The following VEPH1 variants were observed in gnomAD, a reference collection of about 807,000 sequenced individuals.
VEPH1 encodes the protein ventricular zone expressed PH domain containing 1.
A neutral mutation model predicts 85.2 loss-of-function variants in VEPH1; 80 were observed. That is an observed-to-expected ratio of 0.94 (90% confidence interval 0.78 to 1.13). VEPH1 has a LOEUF of 1.13. Among genes scored for constraint, VEPH1 ranks in the 50% most tolerant of loss-of-function variants. The probability of loss-of-function intolerance (pLI) is 0.00; values close to 1 mark genes in which losing one functional copy is unlikely to be tolerated. For synonymous variants in VEPH1, 297 were observed against 348.0 expected, an observed-to-expected ratio of 0.85 and a Z score of 1.63; for missense variants, 955 against 980.5, an observed-to-expected ratio of 0.97 and a Z score of 0.35.
chr3:157,402,926 T>A (rs1730881039), intron 6 of VEPH1, among the ~76,000 whole-genome samples: 1 of 152,198 alleles, frequency 6.6e-6, no homozygotes, highest in Non-Finnish European at 1.5e-5. Context: ...CTAAGCCAAC[T>A]GTTAGATGCA....
rs190935605 is a variant in VEPH1, at chr3:157,364,267, G to C, written c.1337+36C>G. On this transcript the variant is annotated intron_variant, in intron 8 of 13. Transcript: ENST00000362010. The stretch of plus-strand genomic sequence containing the variant: ...TAACAAAGCTAATAGCGAACATGAA[G>C]TGTATGATTTAAAAAACAAACCAAA... The C allele has an allele frequency of 4.1e-6, 6 of 1,469,776 alleles. No individual in the cohort carries two copies. The Admixed American group carries it at 9.2e-5, about 23-fold the overall frequency. The allele number at this position is 1,469,776 out of a possible 1,614,324, so 91.0% of individuals were successfully genotyped here. A position where few individuals can be genotyped will look rare whatever the true frequency, so the allele number is the denominator to read the frequency against.
intron 7 of VEPH1, among the ~76,000 whole-genome samples, chr3:157,368,002 C>G (rs1726923736): frequency 6.6e-6 from 1 of 152,092 alleles, no homozygotes; most frequent in South Asian, 2.1e-4. Context: ...GTTTTTTATT[C>G]TTAAAAAAGT....
chr3:157,314,960 A>G (rs1720571879), intron 10 of VEPH1, among the ~76,000 whole-genome samples: 1 of 152,122 alleles, frequency 6.6e-6, no homozygotes, highest in Non-Finnish European at 1.5e-5. Context: ...CTATAAATGT[A>G]AGAAGCTTTT....
intron 5 of VEPH1, 82 bp from the exon 6 acceptor site, chr3:157,414,172 A>C: frequency 8.3e-7 from 1 of 1,198,998 alleles, no homozygotes; most frequent in African/African-American, 1.5e-5. Context: ...TTTTGAAAGC[A>C]AACTTTTTTT....
chr3:157,473,776 T>A (rs962429708), intron 2 of VEPH1, among the ~76,000 whole-genome samples: 1 of 152,132 alleles, frequency 6.6e-6, no homozygotes, highest in Admixed American at 6.5e-5. Context: ...ATATTATAAT[T>A]TACAATATTA....
intron 11 of VEPH1, among the ~76,000 whole-genome samples, chr3:157,292,534 A>C (rs753733356): frequency 1.3e-5 from 2 of 152,004 alleles, no homozygotes; most frequent in Non-Finnish European, 2.9e-5. Flanking sequence ...TCTACTAAAA[A>C]TACAAAAATT....
At chr3:157,405,988 G>C (rs1009867041) in intron 6 of VEPH1, among the ~76,000 whole-genome samples, 1 of 152,106 alleles carries the variant, frequency 6.6e-6, no homozygotes, top group Non-Finnish European at 1.5e-5. Flanking sequence ...TTATTTGAAA[G>C]TATATTTTGT....
intron 11 of VEPH1, among the ~76,000 whole-genome samples, chr3:157,288,342 G>C (rs1253022126): frequency 6.6e-6 from 1 of 152,162 alleles, no homozygotes; most frequent in Non-Finnish European, 1.5e-5. Context: ...TCAAGGCTGA[G>C]GCGTGTAGGC....
At chr3:157,283,356 T>C (rs1030976510) in intron 12 of VEPH1, among the ~76,000 whole-genome samples, 1 of 152,208 alleles carries the variant, frequency 6.6e-6, no homozygotes, top group Admixed American at 6.5e-5. Flanking sequence ...ATGAAGTCAA[T>C]AATGGTGAGA....
intron 9 of VEPH1, among the ~76,000 whole-genome samples, chr3:157,321,686 A>G (rs915254331): frequency 9.2e-5 from 14 of 152,170 alleles, no homozygotes; most frequent in Non-Finnish European, 1.5e-4. Context: ...GGATTCGGAC[A>G]GAGTTTTATG....
rs561056013 is a variant in VEPH1 at position 157,454,935 on chromosome 3, T to C, written c.529+5246A>G. On this transcript the variant is annotated intron_variant, in intron 4 of 13. Coordinates refer to ENST00000362010, the MANE Select transcript of VEPH1 (RefSeq NM_001167912.2). ...AAGGACATGATTTTGTTCTTATTTA[T>C]GGTAGCATAGTATTCCTTGGTGTAT... 2.0e-5 allele frequency among the ~76,000 whole-genome samples: 3 copies of C among 152,330 alleles called. No homozygotes were observed. In the South Asian group the frequency reaches 6.2e-4, roughly 32 times the overall value.
At chr3:157,281,690 A>G (rs2108347166) in intron 12 of VEPH1, among the ~76,000 whole-genome samples, 1 of 152,096 alleles carries the variant, frequency 6.6e-6, no homozygotes, top group East Asian at 1.9e-4. Flanking sequence ...GGCACACACC[A>G]CCACAGCCAG....
intron 4 of VEPH1, among the ~76,000 whole-genome samples, chr3:157,453,636 A>G (rs1437127674): frequency 1.3e-5 from 2 of 152,230 alleles, no homozygotes; most frequent in Admixed American, 1.3e-4. Context: ...TCTAAAGAGG[A>G]GAAAAACTAT....
chr3:157,437,722 AC>A, intron 4 of VEPH1: 1 of 1,527,000 alleles, frequency 6.5e-7, no homozygotes. Context: ...GGCCAGGCTG[AC>A]CAGTGCTCTG....
chr3:157,340,589 C>G (rs374641017), intron 9 of VEPH1, among the ~76,000 whole-genome samples: 2 of 152,208 alleles, frequency 1.3e-5, no homozygotes, highest in African/African-American at 4.8e-5. Flanking sequence ...GTAGACTCCA[C>G]CTCTGGAGGC....
At chr3:157,389,668 TA>T (rs1347912567) in intron 6 of VEPH1, among the ~76,000 whole-genome samples, 1 of 151,626 alleles carries the variant, frequency 6.6e-6, no homozygotes, top group African/African-American at 2.4e-5. Context: ...GATAGATAGA[TA>T]GATAGATAGA....
intron 9 of VEPH1, among the ~76,000 whole-genome samples, chr3:157,363,086 G>C (rs1394203503): frequency 1.3e-5 from 2 of 151,914 alleles, no homozygotes; most frequent in African/African-American, 4.8e-5. Flanking sequence ...TGTGAATTCT[G>C]GGGACAGGGA....
intron 4 of VEPH1, among the ~76,000 whole-genome samples, chr3:157,453,299 C>T (rs576173920): frequency 6.6e-6 from 1 of 152,120 alleles, no homozygotes; most frequent in South Asian, 2.1e-4. Flanking sequence ...GTTGTTGTTG[C>T]TCCTCTTTCT....
chr3:157,378,062 C>T (rs1181482286), intron 7 of VEPH1, among the ~76,000 whole-genome samples: 1 of 151,972 alleles, frequency 6.6e-6, no homozygotes, highest in Non-Finnish European at 1.5e-5. Context: ...TTAGCCATGG[C>T]TTGGAGAAGA....
Sources: gnomAD v4.1 joint callset for allele counts (sites outside exome capture counted in the v4.1 genomes callset) on GRCh38, gnomAD v4.1.1 for gene constraint, MANE v1.5 for transcripts, NCBI Gene and HGNC (gene_info 2026-07-23, HGNC 2026-07-21) for gene names.